Variants in GRIK1 observed in about 807,000 individuals in gnomAD.
GRIK1 encodes the protein glutamate receptor ionotropic, kainate 1.
GRIK1 carries 69 observed loss-of-function variants against 105.7 expected under a neutral mutation model. The observed-to-expected ratio is 0.65, with a 90% CI of 0.54 to 0.80. GRIK1 has a LOEUF of 0.80. Ranked by LOEUF, GRIK1 falls within the 30% of genes least tolerant of loss-of-function variation. The probability of loss-of-function intolerance (pLI) is 0.00; values close to 1 mark genes in which losing one functional copy is unlikely to be tolerated. For missense variants in GRIK1, 1,109 were observed against 1,167.3 expected (o/e 0.95, Z 0.73); for synonymous variants, 438 against 431.3 (o/e 1.02, Z -0.19).
intron 1 of GRIK1, among the ~76,000 whole-genome samples, chr21:29,877,252 G>A (rs1215379907): frequency 6.6e-6 from 1 of 152,106 alleles, no homozygotes; most frequent in Non-Finnish European, 1.5e-5. Flanking sequence ...GCAAGGAATA[G>A]TGTAGAGATG....
chr21:29,574,864 A>AT (rs1555838470), intron 14 of GRIK1, among the ~76,000 whole-genome samples: 2,288 of 142,590 alleles, frequency 0.016, 53 homozygotes, highest in African/African-American at 0.049. Flanking sequence ...ATATTTTTGT[A>AT]TTTTTTTTTT....
rs775982178 is a variant in GRIK1 at position 29,588,872 on chromosome 21, C to T, written c.1536G>A (p.Glu512=). The T allele has an allele frequency of 1.8e-5, 29 of 1,605,698 alleles. No individual in the cohort carries two copies. The highest frequency in any genetic ancestry group is 3.3e-4 in the Middle Eastern group (2 of 6,066). ...TGAGTTCTTTAACCATCCCGTTCCA[C>T]TCCCCTTTGTCATTCTGGGCCCCAT... ...GKYGAQNDKG[E]WNGMVKELID... is the part of the protein sequence containing the mutation. Residue 512 remains glutamate (E), a synonymous_variant, in exon 11 of 18, where the codon GAG becomes GAA. Transcript: ENST00000327783.
chr21:29,755,910 G>A (rs1048073717), intron 1 of GRIK1, among the ~76,000 whole-genome samples: 2 of 152,158 alleles, frequency 1.3e-5, no homozygotes, highest in Non-Finnish European at 2.9e-5. Flanking sequence ...GCTGGCTTAG[G>A]TATTAGGGTT....
intron 3 of GRIK1, among the ~76,000 whole-genome samples, chr21:29,687,465 G>A (rs896766982): frequency 6.6e-6 from 1 of 152,026 alleles, no homozygotes; most frequent in African/African-American, 2.4e-5. Context: ...TATTCTCTGG[G>A]TTCCAATTTA....
At chr21:29,746,312 T>A (rs2065047632) in intron 1 of GRIK1, among the ~76,000 whole-genome samples, 3 of 152,206 alleles carry the variant, frequency 2.0e-5, no homozygotes, top group South Asian at 2.1e-4. Context: ...GTTAAACAAC[T>A]TTGAAATTTC....
At chr21:29,543,166 T>C (rs1315431096) in intron 16 of GRIK1, among the ~76,000 whole-genome samples, 3 of 152,188 alleles carry the variant, frequency 2.0e-5, no homozygotes, top group Non-Finnish European at 4.4e-5. Flanking sequence ...AGTGTCTCAA[T>C]GATTATATTT....
chr21:29,678,990 T>C (rs1355999359), intron 3 of GRIK1, among the ~76,000 whole-genome samples: 2 of 152,196 alleles, frequency 1.3e-5, no homozygotes, highest in African/African-American at 4.8e-5. Flanking sequence ...CTATGACAGA[T>C]AGAGTTTTTA....
chr21:29,611,301 C>T (rs1268523351), intron 7 of GRIK1, among the ~76,000 whole-genome samples: 1 of 152,052 alleles, frequency 6.6e-6, no homozygotes, highest in Non-Finnish European at 1.5e-5. Flanking sequence ...CAGAAGATGA[C>T]CTCAAAGGTT....
chr21:29,633,487 A>G (rs2062330089), intron 7 of GRIK1, among the ~76,000 whole-genome samples: 1 of 151,942 alleles, frequency 6.6e-6, no homozygotes, highest in East Asian at 1.9e-4. Flanking sequence ...ACAGAGTGAG[A>G]CTCTGTCTCT....
chr21:29,710,789 C>CTCCTTCCT (rs537652425), intron 1 of GRIK1, among the ~76,000 whole-genome samples: 46 of 67,226 alleles, frequency 6.8e-4, no homozygotes, highest in East Asian at 6.6e-3. Flanking sequence ...CCCTCCCTCC[C>CTCCTTCCT]TCCTTCCTTC....
intron 1 of GRIK1, among the ~76,000 whole-genome samples, chr21:29,865,232 T>A (rs115611374): frequency 0.013 from 1,975 of 152,324 alleles, 46 homozygotes; most frequent in African/African-American, 0.044. Context: ...GCATGTTTAT[T>A]GTCAATTCAA....
intron 10 of GRIK1, among the ~76,000 whole-genome samples, chr21:29,590,785 C>A (rs1395690162): frequency 6.6e-6 from 1 of 152,108 alleles, no homozygotes; most frequent in Non-Finnish European, 1.5e-5. Flanking sequence ...CCACCTCTTC[C>A]CCCACTTCCC....
chr21:29,795,027 A>ATTTTTTTTTT (rs1569102231), intron 1 of GRIK1, among the ~76,000 whole-genome samples: 9 of 82,152 alleles, frequency 1.1e-4, no homozygotes, highest in Admixed American at 1.7e-4. Flanking sequence ...CTTTGCTCTA[A>ATTTTTTTTTT]ATTTTTTTTT....
intron 1 of GRIK1, among the ~76,000 whole-genome samples, chr21:29,717,837 G>A (rs1405595020): frequency 6.6e-6 from 1 of 152,118 alleles, no homozygotes; most frequent in Non-Finnish European, 1.5e-5. Flanking sequence ...AGGGGCAAAG[G>A]GCTGAATGAC....
intron 1 of GRIK1, among the ~76,000 whole-genome samples, chr21:29,762,572 A>G (rs1229774257): frequency 6.6e-6 from 1 of 152,224 alleles, no homozygotes; most frequent in Non-Finnish European, 1.5e-5. Flanking sequence ...ATAACTTTTC[A>G]GGGGCTCATG....
chr21:29,905,619 ATTTTTT>A (rs869179451), intron 1 of GRIK1, among the ~76,000 whole-genome samples: 2 of 72,586 alleles, frequency 2.8e-5, no homozygotes, highest in Non-Finnish European at 5.0e-5. Flanking sequence ...CAAATTTTGT[ATTTTTT>A]TTTTTTTTTT....
chr21:29,716,528 G>C (rs796226208), intron 1 of GRIK1, among the ~76,000 whole-genome samples: 5 of 152,298 alleles, frequency 3.3e-5, no homozygotes, highest in African/African-American at 1.2e-4. Context: ...TGAAGTCCAG[G>C]CTGACTTGGT....
rs1569226312 is a variant in GRIK1 at position 29,928,705 on chromosome 21, C to T, written c.118+10678G>A. 3.9e-5 allele frequency among the ~76,000 whole-genome samples: 6 copies of T among 152,246 alleles called. No individual in the cohort carries two copies. In the South Asian group the frequency reaches 8.3e-4, roughly 21 times the overall value. ...AATGCGCTGAGTCTTGAAGGATGAG[C>T]AGCAGCAGAGTGAGCCACATGGGGC... On this transcript the variant is annotated intron_variant, in intron 1 of 17. Transcript: ENST00000327783.
chr21:29,537,898 A>G lies in GRIK1; in HGVS notation c.2608-14T>C, dbSNP rs949061067. 3.7e-5 allele frequency: 42 copies of G among 1,143,252 alleles called. No individual in the cohort carries two copies. Among genetic ancestry groups the G allele is most frequent in the Non-Finnish European group, 4.7e-5 (36 of 772,070 alleles). 70.8% of individuals were successfully genotyped at this position (1,143,252 alleles called of 1,614,324 possible). A position where few individuals can be genotyped will look rare whatever the true frequency, so the allele number is the denominator to read the frequency against. ...TGACTTTCCTTTCTGATAAAAAAAA[A>G]AGAAAAAAAAACAATTTTAAATTGT... On this transcript the variant is annotated splice_polypyrimidine_tract_variant and intron_variant, in intron 16 of 17. Transcript: ENST00000327783.
Sources: gnomAD v4.1 joint callset for allele counts (sites outside exome capture counted in the v4.1 genomes callset) on GRCh38, gnomAD v4.1.1 for gene constraint, MANE v1.5 for transcripts, NCBI Gene and HGNC (gene_info 2026-07-23, HGNC 2026-07-21) for gene names.